The following ZNF431 variants were observed in gnomAD, a reference collection of about 807,000 sequenced individuals.
ZNF431 encodes the protein zinc finger protein 431.
Under a neutral mutation model 57.0 loss-of-function variants are expected in ZNF431, and 34 were observed. That is an observed-to-expected ratio of 0.60 (90% CI 0.45 to 0.79). The LOEUF (loss-of-function observed/expected upper bound fraction) is 0.79. ZNF431 is among the 30% of genes least tolerant of loss of function. ZNF431 has a pLI of 0.00. For synonymous variants in ZNF431, 207 were observed against 220.3 expected, an observed-to-expected ratio of 0.94 and a Z score of 0.54; for missense variants, 607 against 667.1, an observed-to-expected ratio of 0.91 and a Z score of 0.99.
At chr19:21,147,937 T>A (rs1394004123) in intron 2 of ZNF431, among the ~76,000 whole-genome samples, 1 of 152,132 alleles carries the variant, frequency 6.6e-6, no homozygotes, top group Non-Finnish European at 1.5e-5. Context: ...ATGAGCCAAA[T>A]TTTTACTATT....
chr19:21,149,986 C>G (rs919172310), intron 2 of ZNF431: 3 of 586,718 alleles, frequency 5.1e-6, no homozygotes, highest in African/African-American at 1.9e-5. Flanking sequence ...TCACCACCAG[C>G]TGAACTTTCT....
chr19:21,150,107 C>T (rs1202343177), intron 2 of ZNF431: 12 of 639,884 alleles, frequency 1.9e-5, no homozygotes, highest in Middle Eastern at 4.4e-4. Context: ...GGCCAACAGC[C>T]TCTGCTTCTC....
rs1414007527 is a variant in ZNF431 at position 21,185,056 on chromosome 19, AAC to A, written c.*1024_*1025del. 2.6e-5 allele frequency: 4 copies of A among 152,226 alleles called. No individual in the cohort carries two copies. Among genetic ancestry groups the A allele is most frequent in the Admixed American group, 6.5e-5 (1 of 15,280 alleles). 9.4% of individuals were successfully genotyped at this position (152,226 alleles called of 1,614,324 possible). A position where few individuals can be genotyped will look rare whatever the true frequency, so the allele number is the denominator to read the frequency against. On this transcript the variant is annotated 3_prime_UTR_variant, in exon 5 of 5. Coordinates refer to ENST00000311048, the MANE Select transcript of ZNF431 (RefSeq NM_133473.4). Reference sequence around the variant, plus strand: ...TTTCAAAAACTACAGCTTAGAAATCAACAGTTATACTAGAATATATTTTTTCC... The same window carrying A: ...TTTCAAAAACTACAGCTTAGAAATCAAGTTATACTAGAATATATTTTTTCC...
chr19:21,166,530 T>G, intron 3 of ZNF431, 69 bp downstream of exon 3: 4 of 1,519,640 alleles, frequency 2.6e-6, no homozygotes, highest in Non-Finnish European at 3.5e-6. Context: ...TTTGTAGAAT[T>G]TTTTTGATAA....
At chr19:21,162,144 T>TTGTGTGTGTGTG (rs749424799) in intron 2 of ZNF431, among the ~76,000 whole-genome samples, 11 of 66,068 alleles carry the variant, frequency 1.7e-4, no homozygotes, top group African/African-American at 4.3e-4. Flanking sequence ...ATCCAGCTAA[T>TTGTGTGTGTGTG]TGTGTGTGTG....
rs1304643736 is a variant in ZNF431, at chr19:21,183,458, A to G, written c.1155A>G (p.Ser385=). The change falls in exon 5 of 5, where the codon TCA becomes TCG. Residue 385 remains serine (S), a synonymous_variant. Transcript: ENST00000311048. ...GTGGCAAAGGCTTTAATTGGTCCTC[A>G]ACCCTTACTAAACATAAAAGAATTC... ...EECGKGFNWS[S]TLTKHKRIHT... 1.9e-6 allele frequency: 3 copies of G among 1,613,924 alleles called. No individual in the cohort carries two copies. The highest frequency in any genetic ancestry group is 2.5e-6 in the Non-Finnish European group (3 of 1,179,932).
intron 4 of ZNF431, chr19:21,175,441 T>C: frequency 1.4e-6 from 1 of 697,290 alleles, no homozygotes; most frequent in Non-Finnish European, 2.6e-6. Flanking sequence ...TTAATTTAAT[T>C]TTATGTTCCA....
chr19:21,193,130 C>T lies in ZNF431; in HGVS notation c.*9096C>T, dbSNP rs1216999135. ...GCCCTGGATTATATAAAATCACAGC[C>T]GAATTTTAACACATATACAGAGATG... On this transcript the variant is annotated 3_prime_UTR_variant, in exon 5 of 5. Coordinates refer to ENST00000311048, the MANE Select transcript of ZNF431 (RefSeq NM_133473.4). The T allele has an allele frequency of 6.6e-6, 1 of 152,042 alleles. No homozygotes were observed. The highest frequency in any genetic ancestry group is 1.5e-5 in the Non-Finnish European group (1 of 68,024). The allele number at this position is 152,042 out of a possible 1,614,324, so 9.4% of individuals were successfully genotyped here.
At chr19:21,156,924 A>G (rs1280230839) in intron 2 of ZNF431, among the ~76,000 whole-genome samples, 2 of 152,038 alleles carry the variant, frequency 1.3e-5, no homozygotes, top group African/African-American at 4.8e-5. Context: ...ACATCCATGC[A>G]CCACCATGCC....
chr19:21,147,135 G>C (rs1485312704), intron 2 of ZNF431, among the ~76,000 whole-genome samples: 1 of 152,118 alleles, frequency 6.6e-6, no homozygotes, highest in Non-Finnish European at 1.5e-5. Flanking sequence ...CATGTATACT[G>C]AATGTTTTTT....
At chr19:21,143,436 T>C (rs976090828) in intron 1 of ZNF431, 115 bp from the exon 2 acceptor site, 1 of 819,924 alleles carries the variant, frequency 1.2e-6, no homozygotes, top group Non-Finnish European at 2.0e-6. Context: ...CACCTTTTAG[T>C]TTTTTTCTGG....
chr19:21,145,994 A>G (rs556388341), intron 2 of ZNF431, among the ~76,000 whole-genome samples: 3 of 152,170 alleles, frequency 2.0e-5, no homozygotes, highest in Non-Finnish European at 4.4e-5. Context: ...AAAGTTCTGG[A>G]GCCTGTGAAA....
Position 21,166,380 on chromosome 19 carries a change from G to T in ZNF431, c.142G>T (p.Glu48Ter). The change falls in exon 3 of 5, where the codon GAG becomes TAG. Residue 48 changes from glutamate (E) to a stop codon, truncating the protein, a stop_gained. Transcript: ENST00000311048. LOFTEE classifies it high-confidence loss of function. ...TGTGGCCATAGAATTCTCTCTGGAG[G>T]AGTGGGAATGCCTGAACCCTGCTCA... Reference protein sequence around the residue: ...RDVAIEFSLEEWECLNPAQQN... With the variant: ...RDVAIEFSLE 6.2e-7 allele frequency: 1 copy of T among 1,612,658 alleles called. No individual in the cohort carries two copies. Among genetic ancestry groups the T allele is most frequent in the South Asian group, 1.1e-5 (1 of 90,712 alleles).
At chr19:21,179,604 G>A (rs1243247800) in intron 4 of ZNF431, among the ~76,000 whole-genome samples, 3 of 149,046 alleles carry the variant, frequency 2.0e-5, no homozygotes, top group African/African-American at 5.0e-5. Flanking sequence ...TCTGACCCCA[G>A]GCTGGAGTGT....
At chr19:21,176,040 C>A (rs1971041832) in intron 4 of ZNF431, among the ~76,000 whole-genome samples, 1 of 152,188 alleles carries the variant, frequency 6.6e-6, no homozygotes, top group Non-Finnish European at 1.5e-5. Context: ...ACATTCCCAC[C>A]AAAAGCGTAA....
At chr19:21,154,924 T>C (rs1208167781) in intron 2 of ZNF431, among the ~76,000 whole-genome samples, 1 of 152,220 alleles carries the variant, frequency 6.6e-6, no homozygotes, top group East Asian at 1.9e-4. Context: ...ATATTAGCCC[T>C]TTGTCAGATG....
At chr19:21,161,203 G>A (rs555069482) in intron 2 of ZNF431, among the ~76,000 whole-genome samples, 1 of 151,982 alleles carries the variant, frequency 6.6e-6, no homozygotes, top group East Asian at 1.9e-4. Context: ...AAGCAGTCAT[G>A]ATCCCTACCA....
At position 21,194,781 on chromosome 19, in the gene ZNF431, C is replaced by T. The variant is rs1971574991; in HGVS notation, c.*10747C>T. Reference sequence around the variant, plus strand: ...TATTTCTGGTAACAAAGCACAGAAACATGATTTCTCGAATTTTGCTAGGAT... The same window carrying T: ...TATTTCTGGTAACAAAGCACAGAAATATGATTTCTCGAATTTTGCTAGGAT... On this transcript the variant is annotated 3_prime_UTR_variant, in exon 5 of 5. Coordinates refer to ENST00000311048, the MANE Select transcript of ZNF431 (RefSeq NM_133473.4). 6.6e-6 allele frequency: 1 copy of T among 152,176 alleles called. No homozygotes were observed. Among genetic ancestry groups the T allele is most frequent in the South Asian group, 2.1e-4 (1 of 4,828 alleles). The allele number at this position is 152,176 out of a possible 1,614,324, so 9.4% of individuals were successfully genotyped here. A position where few individuals can be genotyped will look rare whatever the true frequency, so the allele number is the denominator to read the frequency against.
At chr19:21,154,987 G>A (rs1430717055) in intron 2 of ZNF431, among the ~76,000 whole-genome samples, 1 of 152,074 alleles carries the variant, frequency 6.6e-6, no homozygotes, top group Non-Finnish European at 1.5e-5. Flanking sequence ...TCACTCTGAT[G>A]GTGGTTTCTT....
Sources: allele counts gnomAD v4.1 joint callset (sites outside exome capture counted in the v4.1 genomes callset), GRCh38; gene constraint gnomAD v4.1.1; transcripts MANE v1.5; gene names NCBI Gene and HGNC (gene_info 2026-07-23, HGNC 2026-07-21).